STON2: variants seen among roughly 807,000 people sequenced by gnomAD.
STON2 encodes stonin-2.
In STON2, 29 loss-of-function variants were observed where a neutral mutation model predicts 65.7. That is an observed-to-expected ratio of 0.44 (90% CI 0.33 to 0.60). STON2 has a LOEUF of 0.60. Among genes scored for constraint, STON2 ranks in the 20% least tolerant of loss-of-function variants. The pLI is 0.03. For missense variants in STON2, 1,054 were observed against 1,118.1 expected (o/e 0.94, Z 0.82); for synonymous variants, 404 against 414.2 (o/e 0.98, Z 0.30).
At chr14:81,406,502 A>C (rs888308109) in intron 2 of STON2, among the ~76,000 whole-genome samples, 22 of 152,196 alleles carry the variant, frequency 1.4e-4, no homozygotes, top group African/African-American at 5.3e-4. Flanking sequence ...AGCAGAGTTG[A>C]GTAGCTGTGA....
Position 81,267,445 on chromosome 14 carries a change from G to A in STON2, c.*969C>T. On this transcript the variant is annotated 3_prime_UTR_variant, in exon 8 of 8. Coordinates refer to ENST00000614646, the MANE Select transcript of STON2 (RefSeq NM_001394390.1). ...TGCAGCTTAAATTTCCTATAAAGTTGGGTTAAAGGGACATGCAACTGTCTA... is the reference window on the plus strand; with the variant it reads ...TGCAGCTTAAATTTCCTATAAAGTTAGGTTAAAGGGACATGCAACTGTCTA... 1.0e-6 allele frequency: 1 copy of A among 985,168 alleles called. No homozygotes were observed. The highest frequency in any genetic ancestry group is 1.2e-6 in the Non-Finnish European group (1 of 829,826). 61.0% of individuals were successfully genotyped at this position (985,168 alleles called of 1,614,324 possible).
Position 81,322,261 on chromosome 14 carries a change from C to T in STON2, c.742+1756G>A, listed in dbSNP as rs576482087. ...GAGTGGTGATGGTTTTGTACCGTAA[C>T]GTGTAGCATCCAATGTACAAATGCC... On this transcript the variant is annotated intron_variant, in intron 5 of 7. Transcript: ENST00000614646. Among the ~76,000 whole-genome samples the T allele has an allele frequency of 3.9e-5, 6 of 152,308 alleles. No individual in the cohort carries two copies. In the East Asian group the frequency reaches 1.2e-3, roughly 29 times the overall value.
At chr14:81,335,022 TGTG>T (rs1897322564) in intron 4 of STON2, among the ~76,000 whole-genome samples, 3 of 6,704 alleles carry the variant, frequency 4.5e-4, no homozygotes, top group Middle Eastern at 0.17. Flanking sequence ...TTTGTATTTG[TGTG>T]TGTGTGTGTG....
At chr14:81,422,569 G>A (rs1283309136) in intron 2 of STON2, among the ~76,000 whole-genome samples, 1 of 152,116 alleles carries the variant, frequency 6.6e-6, no homozygotes, top group East Asian at 1.9e-4. Context: ...TGATAATACA[G>A]AATATTAAGG....
At chr14:81,333,984 G>A (rs1897292102) in intron 4 of STON2, among the ~76,000 whole-genome samples, 1 of 152,166 alleles carries the variant, frequency 6.6e-6, no homozygotes, top group Non-Finnish European at 1.5e-5. Flanking sequence ...CTTTACCAAG[G>A]TTTCTGCTCT....
Position 81,277,849 on chromosome 14 carries a change from G to A in STON2, c.1633C>T (p.Gln545Ter). 6.2e-7 allele frequency: 1 copy of A among 1,614,174 alleles called. No individual in the cohort carries two copies. The highest frequency in any genetic ancestry group is 8.5e-7 in the Non-Finnish European group (1 of 1,180,034). ...ICHEISEPRL[Q>*]NYDENGRIHS... ...ATTCTGCCATTCTCATCATAGTTTT[G>A]AAGCCGGGGTTCTGAAATCTCATGA... The change falls in exon 6 of 8, where the codon CAA becomes TAA. Residue 545 changes from glutamine to a stop codon, truncating the protein, a stop_gained. Transcript: ENST00000614646. LOFTEE classifies it high-confidence loss of function.
chr14:81,298,070 C>G (rs182745854), intron 5 of STON2, among the ~76,000 whole-genome samples: 3 of 152,090 alleles, frequency 2.0e-5, no homozygotes, highest in South Asian at 4.1e-4. Flanking sequence ...ATATTTATTG[C>G]CATGCACATT....
At chr14:81,297,656 C>A (rs554603615) in intron 5 of STON2, among the ~76,000 whole-genome samples, 17 of 152,174 alleles carry the variant, frequency 1.1e-4, no homozygotes, top group Non-Finnish European at 2.2e-4. Context: ...TGACAAGGAG[C>A]ACTTATTCAT....
At position 81,265,527 on chromosome 14, in the gene STON2, C is replaced by T. The variant is rs745900435; in HGVS notation, c.*2887G>A. 3 of 293,374 alleles carry T rather than the reference C, an allele frequency of 1.0e-5. No homozygotes were observed. The highest frequency in any genetic ancestry group is 1.5e-5 in the Non-Finnish European group (3 of 197,786). 18.2% of individuals were successfully genotyped at this position (293,374 alleles called of 1,614,324 possible). Reference sequence around the variant, plus strand: ...TAAATTAGTGGTGCATGGTGGCAGGCGCCTGTAATCCCAGCTACTCAGGAG... The same window carrying T: ...TAAATTAGTGGTGCATGGTGGCAGGTGCCTGTAATCCCAGCTACTCAGGAG... On this transcript the variant is annotated 3_prime_UTR_variant, in exon 8 of 8. Transcript: ENST00000614646.
At chr14:81,295,583 C>T (rs1187887147) in intron 5 of STON2, among the ~76,000 whole-genome samples, 1 of 152,160 alleles carries the variant, frequency 6.6e-6, no homozygotes, top group Non-Finnish European at 1.5e-5. Context: ...AACATTCTTG[C>T]ACCTTTATAT....
chr14:81,329,461 A>G (rs894448814), intron 4 of STON2, among the ~76,000 whole-genome samples: 1 of 151,720 alleles, frequency 6.6e-6, no homozygotes, highest in Admixed American at 6.6e-5. Flanking sequence ...TCTCAAAAAA[A>G]AAAAAAAAAA....
chr14:81,436,387 G>A (rs1322732870), exon 1 of STON2: 1 of 151,600 alleles, frequency 6.6e-6, no homozygotes, highest in African/African-American at 2.4e-5. Flanking sequence ...CGGCTTCTCT[G>A]GCCGCGGGAT....
intron 4 of STON2, among the ~76,000 whole-genome samples, chr14:81,352,896 A>T (rs976180313): frequency 6.6e-6 from 1 of 152,196 alleles, no homozygotes; most frequent in Non-Finnish European, 1.5e-5. Flanking sequence ...GCTCTTTCTT[A>T]GATTTTGCTC....
intron 1 of STON2, among the ~76,000 whole-genome samples, chr14:81,434,243 T>C (rs1267342592): frequency 6.6e-6 from 1 of 152,116 alleles, no homozygotes; most frequent in African/African-American, 2.4e-5. Flanking sequence ...ACAAAGCAAT[T>C]TGTTGAAGTT....
At chr14:81,300,102 A>G (rs1212339502) in intron 5 of STON2, among the ~76,000 whole-genome samples, 2 of 152,172 alleles carry the variant, frequency 1.3e-5, no homozygotes, top group African/African-American at 2.4e-5. Flanking sequence ...GGAAAGATAA[A>G]TAAGTTAATG....
chr14:81,359,147 CAAGTCTTATTAAA>C (rs1346295699), intron 4 of STON2, among the ~76,000 whole-genome samples: 1 of 152,122 alleles, frequency 6.6e-6, no homozygotes, highest in African/African-American at 2.4e-5. Flanking sequence ...GGTCACAAGA[CAAGTCTTATTAAA>C]TTAGAGAAGA....
intron 4 of STON2, among the ~76,000 whole-genome samples, chr14:81,366,733 T>C (rs955080126): frequency 1.3e-5 from 2 of 152,050 alleles, no homozygotes; most frequent in African/African-American, 4.8e-5. Context: ...CATGCTATAG[T>C]TTGAGTAACA....
chr14:81,374,656 A>C (rs1407209574), intron 3 of STON2, among the ~76,000 whole-genome samples: 2 of 152,160 alleles, frequency 1.3e-5, no homozygotes, highest in Admixed American at 6.5e-5. Flanking sequence ...GAGAAGAAAA[A>C]TATGCTACTG....
In STON2 at chr14:81,278,141, A is replaced by C. The variant is rs746988013; in HGVS notation, c.1341T>G (p.Ile447Met). Residue 447 changes from isoleucine (I) to methionine (M), a missense_variant, in exon 6 of 8, where the codon ATT becomes ATG. Ile to Met is a conservative substitution (Grantham distance 10). Transcript: ENST00000614646. ...CACTGCCAAAGTGATCAGGGTCATC[A>C]ATTTGGAGTTGTTTGAGTTTTTCAA... is the stretch of plus-strand genomic sequence containing the variant. Reference protein sequence around the residue: ...DAVEKLKQLQIDDPDHFGSAT... With the variant: ...DAVEKLKQLQMDDPDHFGSAT... 1.2e-6 allele frequency: 2 copies of C among 1,614,102 alleles called. No homozygotes were observed. Among genetic ancestry groups the C allele is most frequent in the Non-Finnish European group, 1.7e-6 (2 of 1,180,030 alleles).
Sources: allele counts gnomAD v4.1 joint callset (sites outside exome capture counted in the v4.1 genomes callset), GRCh38; gene constraint gnomAD v4.1.1; transcripts MANE v1.5; gene names NCBI Gene and HGNC (gene_info 2026-07-23, HGNC 2026-07-21).